The following NAV3 variants were observed in gnomAD, a reference collection of about 807,000 sequenced individuals.
NAV3 encodes the protein neuron navigator 3.
Under a neutral mutation model 244.7 loss-of-function variants are expected in NAV3, and 87 were observed. The ratio of observed to expected loss-of-function variants is 0.36; its 90% CI spans 0.30 to 0.42. The LOEUF is 0.42. NAV3 is among the 20% of genes least tolerant of loss of function. NAV3 has a pLI of 1.00. For missense variants in NAV3, 2,663 were observed against 2,893.3 expected (o/e 0.92, Z 1.83); for synonymous variants, 1,126 against 1,042.2 (o/e 1.08, Z -1.55).
At chr12:77,814,072 C>T (rs1048752087) in intron 2 of NAV3, among the ~76,000 whole-genome samples, 1 of 152,006 alleles carries the variant, frequency 6.6e-6, no homozygotes, top group Non-Finnish European at 1.5e-5. Context: ...CTCTGGGGTG[C>T]GGAGCCCAGC....
intron 2 of NAV3, among the ~76,000 whole-genome samples, chr12:77,723,363 T>A (rs1240789760): frequency 6.6e-6 from 1 of 151,672 alleles, no homozygotes; most frequent in Non-Finnish European, 1.5e-5. Context: ...TTGAAAAGTT[T>A]TTTTTTTTAA....
chr12:77,672,984 C>T (rs968009384), intron 2 of NAV3, among the ~76,000 whole-genome samples: 1 of 151,950 alleles, frequency 6.6e-6, no homozygotes, highest in African/African-American at 2.4e-5. Flanking sequence ...TTATTTTTCT[C>T]CACTTTTTTC....
rs74659062 is a variant in NAV3 at position 77,921,208 on chromosome 12, A to T, written c.244-19111A>T. On this transcript the variant is annotated intron_variant, in intron 1 of 39. Coordinates refer to ENST00000397909, the MANE Select transcript of NAV3 (RefSeq NM_001024383.2). ...CATCATAAATCTAGTGCCTGAGGAT[A>T]TGCATATTCAAGATATGAAATTCTA... Among the ~76,000 whole-genome samples the T allele has an allele frequency of 4.8e-3, 729 of 152,210 alleles. 16 individuals carry two copies. The East Asian group carries it at 0.074, about 16-fold the overall frequency.
intron 1 of NAV3, among the ~76,000 whole-genome samples, chr12:77,936,072 G>T (rs1385064736): frequency 2.0e-5 from 3 of 152,096 alleles, no homozygotes; most frequent in Non-Finnish European, 4.4e-5. Flanking sequence ...TGAGAATACT[G>T]GGGAATTTAG....
Position 78,137,281 on chromosome 12 carries a change from C to G in NAV3, c.4546C>G (p.Gln1516Glu). The G allele has an allele frequency of 6.2e-7, 1 of 1,613,784 alleles. No homozygotes were observed. The highest frequency in any genetic ancestry group is 8.5e-7 in the Non-Finnish European group (1 of 1,179,808). ...TTCCTTCGATCTCTATGATGACTCC[C>G]AGCTTTGTGGGAGTGCCACTTCTCT... is the stretch of plus-strand genomic sequence containing the variant. ...DSSFDLYDDS[Q>E]LCGSATSLEE... Residue 1516 changes from glutamine (Q) to glutamate (E), a missense_variant, in exon 19 of 40, where the codon CAG becomes GAG. Around this residue, in one of 6 missense-constraint regions of NAV3, gnomAD observed 354 missense variants for 413.0 expected, o/e 0.86. Transcript: ENST00000397909.
At chr12:77,830,317 T>A (rs1436655223), upstream of NAV3, among the ~76,000 whole-genome samples, 1 of 152,350 alleles carries the variant, frequency 6.6e-6, no homozygotes, top group South Asian at 2.1e-4. Context: ...AATCATACAT[T>A]CTTTCCCCCT....
intron 2 of NAV3, among the ~76,000 whole-genome samples, chr12:77,811,211 A>C (rs147919961): frequency 9.2e-5 from 14 of 152,338 alleles, no homozygotes; most frequent in Non-Finnish European, 1.9e-4. Context: ...TTGTATGTGA[A>C]TATCTACTCA....
At chr12:78,135,352 C>A (rs1013335227) in intron 18 of NAV3, among the ~76,000 whole-genome samples, 1 of 152,136 alleles carries the variant, frequency 6.6e-6, no homozygotes, top group Non-Finnish European at 1.5e-5. Flanking sequence ...GGTGTAATTT[C>A]CAATGCAGAA....
intron 12 of NAV3, among the ~76,000 whole-genome samples, chr12:78,090,658 C>T (rs1166342149): frequency 6.6e-6 from 1 of 151,926 alleles, no homozygotes; most frequent in East Asian, 1.9e-4. Flanking sequence ...TAATTGACAC[C>T]ATATATATTT....
rs1874460184 is a variant in NAV3, at chr12:78,007,559, G to A, written c.1907+114G>A. ...CTTTATGTCGTCATTTTGGAGTAAA[G>A]TTTCATGCTAAAGATAGAGGCCTAG... On this transcript the variant is annotated intron_variant, in intron 8 of 39. Transcript: ENST00000397909. 6.0e-6 allele frequency: 7 copies of A among 1,158,502 alleles called. No homozygotes were observed. In the South Asian group the frequency reaches 1.0e-4, roughly 17 times the overall value. The allele number at this position is 1,158,502 out of a possible 1,614,324, so 71.8% of individuals were successfully genotyped here. A position where few individuals can be genotyped will look rare whatever the true frequency, so the allele number is the denominator to read the frequency against.
chr12:77,821,098 C>CAA, intron 2 of NAV3, among the ~76,000 whole-genome samples: 1 of 151,770 alleles, frequency 6.6e-6, no homozygotes, highest in Middle Eastern at 3.4e-3. Context: ...CACAAACACA[C>CAA]ACACACACAC....
At chr12:78,091,141 T>C (rs1039245341) in intron 12 of NAV3, among the ~76,000 whole-genome samples, 24 of 152,306 alleles carry the variant, frequency 1.6e-4, no homozygotes, top group African/African-American at 5.3e-4. Flanking sequence ...AGCTAACTAA[T>C]GCAGACTCTA....
intron 15 of NAV3, 113 bp downstream of exon 15, chr12:78,120,058 A>AATATT: frequency 1.5e-6 from 1 of 654,690 alleles, no homozygotes; most frequent in Non-Finnish European, 2.2e-6. Flanking sequence ...TAAGGTATAT[A>AATATT]TATATCTTAG....
intron 2 of NAV3, among the ~76,000 whole-genome samples, chr12:77,618,077 A>C (rs1373746781): frequency 6.6e-6 from 1 of 152,190 alleles, no homozygotes; most frequent in Admixed American, 6.5e-5. Flanking sequence ...TTAGTAGTAT[A>C]GAATTTTTGG....
intron 38 of NAV3, among the ~76,000 whole-genome samples, chr12:78,203,168 T>C (rs1412028485): frequency 6.6e-6 from 1 of 152,094 alleles, no homozygotes; most frequent in Non-Finnish European, 1.5e-5. Flanking sequence ...CTTTGTTCAA[T>C]TATTTTTTCT....
chr12:78,171,764 A>T (rs1451643453), intron 24 of NAV3, among the ~76,000 whole-genome samples: 1 of 151,508 alleles, frequency 6.6e-6, no homozygotes, highest in Non-Finnish European at 1.5e-5. Flanking sequence ...ATTGAAATTC[A>T]CTTTTAGAGG....
chr12:77,748,301 T>C (rs1195255154), intron 2 of NAV3, among the ~76,000 whole-genome samples: 1 of 152,220 alleles, frequency 6.6e-6, no homozygotes. Context: ...GGTTGCCACA[T>C]TCATTGTGCA....
chr12:78,033,039 A>C (rs1879261039), intron 9 of NAV3, among the ~76,000 whole-genome samples: 1 of 152,204 alleles, frequency 6.6e-6, no homozygotes, highest in African/African-American at 2.4e-5. Context: ...AATATCAATA[A>C]AGCTGGCATG....
intron 8 of NAV3, among the ~76,000 whole-genome samples, chr12:78,021,207 G>A (rs952109488): frequency 1.4e-4 from 22 of 152,108 alleles, no homozygotes; most frequent in Admixed American, 2.6e-4. Flanking sequence ...CAGATGATAT[G>A]AAAGGTAATT....
Sources: gnomAD v4.1 joint callset for allele counts (sites outside exome capture counted in the v4.1 genomes callset) on GRCh38, gnomAD v4.1.1 for gene constraint, gnomAD v4.1.1 regional missense constraint, MANE v1.5 for transcripts, NCBI Gene and HGNC (gene_info 2026-07-23, HGNC 2026-07-21) for gene names.